SH2D4B: variants seen among roughly 807,000 people sequenced by gnomAD.
SH2D4B encodes the protein SH2 domain containing 4B.
In SH2D4B, 45 loss-of-function variants were observed where a neutral mutation model predicts 61.5. The observed-to-expected ratio is 0.73, with a 90% CI of 0.58 to 0.94. The LOEUF (loss-of-function observed/expected upper bound fraction) is 0.94. Ranked by LOEUF, SH2D4B falls within the 40% of genes least tolerant of loss-of-function variation. The pLI, the probability that SH2D4B is intolerant of heterozygous loss-of-function variation, is 0.00. For synonymous variants in SH2D4B, 224 were observed against 220.4 expected, an observed-to-expected ratio of 1.02 and a Z score of -0.14; for missense variants, 572 against 574.2, an observed-to-expected ratio of 1.00 and a Z score of 0.04.
At chr10:80,614,952 C>T (rs1842644185) in intron 6 of SH2D4B, among the ~76,000 whole-genome samples, 2 of 152,228 alleles carry the variant, frequency 1.3e-5, no homozygotes, top group African/African-American at 2.4e-5. Flanking sequence ...GTGATCCCCT[C>T]CTGGGTAGCC....
intron 1 of SH2D4B, among the ~76,000 whole-genome samples, chr10:80,555,430 C>T (rs1489420576): frequency 6.6e-6 from 1 of 152,230 alleles, no homozygotes; most frequent in African/African-American, 2.4e-5. Context: ...TGCTGTCCAT[C>T]TGCAAACACA....
chr10:80,580,583 G>A (rs1441627195), intron 3 of SH2D4B, among the ~76,000 whole-genome samples: 1 of 152,164 alleles, frequency 6.6e-6, no homozygotes, highest in Admixed American at 6.5e-5. Context: ...AGGCAAGTCT[G>A]ATCTCCTCTC....
At chr10:80,562,538 G>C (rs886309367) in intron 1 of SH2D4B, among the ~76,000 whole-genome samples, 1 of 152,110 alleles carries the variant, frequency 6.6e-6, no homozygotes, top group Non-Finnish European at 1.5e-5. Flanking sequence ...TAATCACTTA[G>C]GTTGATTCCA....
At chr10:80,640,918 C>A (rs1589367389) in intron 7 of SH2D4B, among the ~76,000 whole-genome samples, 1 of 152,310 alleles carries the variant, frequency 6.6e-6, no homozygotes, top group East Asian at 1.9e-4. Flanking sequence ...TTCTCCCCAT[C>A]TTTGTGGTTT....
intron 1 of SH2D4B, among the ~76,000 whole-genome samples, chr10:80,554,410 C>T (rs981346914): frequency 2.0e-5 from 3 of 152,080 alleles, no homozygotes; most frequent in African/African-American, 7.2e-5. Context: ...TTCAGGTTCT[C>T]CAGAGAAACA....
chr10:80,550,323 G>A (rs1415364027), intron 1 of SH2D4B, among the ~76,000 whole-genome samples: 1 of 152,158 alleles, frequency 6.6e-6, no homozygotes, highest in Non-Finnish European at 1.5e-5. Context: ...GCTGGGCACA[G>A]TGGCTCACAC....
chr10:80,550,150 G>A (rs935115350), intron 1 of SH2D4B, among the ~76,000 whole-genome samples: 12 of 152,086 alleles, frequency 7.9e-5, no homozygotes, highest in Non-Finnish European at 1.6e-4. Flanking sequence ...AAAGGCAGCT[G>A]CATTCTATAC....
Position 80,609,458 on chromosome 10 carries a change from A to G in SH2D4B, c.895A>G (p.Arg299Gly). 1 of 1,614,098 alleles carries G rather than the reference A, an allele frequency of 6.2e-7. No individual in the cohort carries two copies. Among genetic ancestry groups the G allele is most frequent in the South Asian group, 1.1e-5 (1 of 91,084 alleles). ...GGAGCGCCCGCTGCGCCCAGTCTCC[A>G]GAGATGTCATCGTCCGCTGGTTTAA... ...TWERPLRPVS[R>G]DVIVRWFKEE... Residue 299 changes from arginine (R) to glycine (G), a missense_variant, in exon 6 of 8, where the codon AGA becomes GGA. Arg to Gly is a moderately radical substitution (Grantham distance 125). Coordinates refer to ENST00000646907, the MANE Select transcript of SH2D4B (RefSeq NM_001388272.1).
intron 1 of SH2D4B, among the ~76,000 whole-genome samples, chr10:80,542,472 A>ACTG (rs1841595215): frequency 7.2e-6 from 1 of 138,812 alleles, no homozygotes; most frequent in South Asian, 2.3e-4. Flanking sequence ...ATCTCGGCTC[A>ACTG]CTGCTACTTC....
At chr10:80,554,688 A>G (rs1841804656) in intron 1 of SH2D4B, among the ~76,000 whole-genome samples, 1 of 152,142 alleles carries the variant, frequency 6.6e-6, no homozygotes. Context: ...TGCTTTATCT[A>G]AAGTCAACTG....
chr10:80,590,043 C>G (rs1302117625), intron 4 of SH2D4B, among the ~76,000 whole-genome samples: 1 of 152,150 alleles, frequency 6.6e-6, no homozygotes, highest in East Asian at 1.9e-4. Context: ...ACTCACAGGT[C>G]CCTAGAGACA....
intron 4 of SH2D4B, among the ~76,000 whole-genome samples, chr10:80,593,409 G>T (rs1423609267): frequency 6.6e-6 from 1 of 152,058 alleles, no homozygotes; most frequent in East Asian, 1.9e-4. Flanking sequence ...TAGAAGCCTT[G>T]CCCTTGTTTT....
intron 6 of SH2D4B, among the ~76,000 whole-genome samples, chr10:80,614,290 A>C (rs556464298): frequency 2.2e-4 from 33 of 152,348 alleles, no homozygotes; most frequent in Middle Eastern, 3.4e-3. Flanking sequence ...TACTCGTGGC[A>C]GAAGGCGAAG....
At chr10:80,587,053 A>G (rs1461014944) in intron 3 of SH2D4B, among the ~76,000 whole-genome samples, 1 of 151,072 alleles carries the variant, frequency 6.6e-6, no homozygotes, top group Non-Finnish European at 1.5e-5. Flanking sequence ...ACATTTAAGA[A>G]CTGTAACACT....
In SH2D4B at chr10:80,600,005, C is replaced by T. The variant is rs776212998; in HGVS notation, c.644-3574C>T. ...AAAGGTGCCATTTCAGCTTCTTTAT[C>T]TCACAGTAAACACGACAATAACAGA... On this transcript the variant is annotated intron_variant, in intron 4 of 7. Coordinates refer to ENST00000646907, the MANE Select transcript of SH2D4B (RefSeq NM_001388272.1). Among the ~76,000 whole-genome samples, 4 of 152,194 alleles carry T rather than the reference C, an allele frequency of 2.6e-5. No individual in the cohort carries two copies. In the South Asian group the frequency reaches 8.3e-4, roughly 31 times the overall value.
intron 3 of SH2D4B, among the ~76,000 whole-genome samples, chr10:80,584,172 A>G (rs1422017283): frequency 6.6e-6 from 1 of 152,232 alleles, no homozygotes; most frequent in African/African-American, 2.4e-5. Context: ...TTCTTAGCTG[A>G]GAAGTGTTAA....
chr10:80,544,643 C>T (rs1209036717), intron 1 of SH2D4B, among the ~76,000 whole-genome samples: 1 of 152,250 alleles, frequency 6.6e-6, no homozygotes. Flanking sequence ...GCCAGCCCTG[C>T]CTGGACCCCT....
intron 6 of SH2D4B, among the ~76,000 whole-genome samples, chr10:80,624,118 G>C (rs1352498138): frequency 6.6e-6 from 1 of 152,150 alleles, no homozygotes; most frequent in Non-Finnish European, 1.5e-5. Context: ...AGAACTCCTG[G>C]ATCCCCTCCA....
intron 7 of SH2D4B, among the ~76,000 whole-genome samples, chr10:80,641,542 A>G (rs915096637): frequency 6.6e-6 from 1 of 152,268 alleles, no homozygotes; most frequent in African/African-American, 2.4e-5. Flanking sequence ...TTCACAGATT[A>G]GGAAACCAGG....
Sources: gnomAD v4.1 joint callset for allele counts (sites outside exome capture counted in the v4.1 genomes callset) on GRCh38, gnomAD v4.1.1 for gene constraint, MANE v1.5 for transcripts, NCBI Gene and HGNC (gene_info 2026-07-23, HGNC 2026-07-21) for gene names.